Variants in ART3 observed in about 807,000 individuals in gnomAD.
ART3 encodes the protein ADP-ribosyltransferase 3 (inactive).
ART3 carries 49 observed loss-of-function variants against 48.5 expected under a neutral mutation model. The ratio of observed to expected loss-of-function variants is 1.01; its 90% CI spans 0.80 to 1.28. The LOEUF is 1.28. Ranked by LOEUF, ART3 falls within the 50% of genes most tolerant of loss-of-function variation. The pLI is 0.00. For missense variants in ART3, 438 were observed against 454.3 expected, an observed-to-expected ratio of 0.96 and a Z score of 0.33; for synonymous variants, 145 against 157.2, an observed-to-expected ratio of 0.92 and a Z score of 0.58.
At chr4:76,035,005 G>T in intron 1 of ART3, 1 of 1,525,790 alleles carries the variant, frequency 6.6e-7, no homozygotes, top group Non-Finnish European at 9.1e-7. Flanking sequence ...GATCTGTCTT[G>T]GATAAAACAG....
chr4:76,091,058 A>T lies in ART3; in HGVS notation c.782-6586A>T, dbSNP rs146065298. Among the ~76,000 whole-genome samples, 26 of 152,320 alleles carry T rather than the reference A, an allele frequency of 1.7e-4. No individual in the cohort carries two copies. In the East Asian group the frequency reaches 4.0e-3, roughly 24 times the overall value. ...TTTCACTCGGCATAATTGTTTTGAGATTCATCTGTGTTGTTGCATGTATCA... is the reference window on the plus strand; with the variant it reads ...TTTCACTCGGCATAATTGTTTTGAGTTTCATCTGTGTTGTTGCATGTATCA... On this transcript the variant is annotated intron_variant, in intron 3 of 11. Transcript: ENST00000355810.
In ART3 at chr4:76,082,131, GAGA is replaced by G. The variant is rs1722623272; in HGVS notation, c.381_383del (p.Glu127del). ...GCTGTGAAGATGGCTGGCCAATCTC[GAGA>G]AGATTATATCTATGGCTTCCAGTTC... On this transcript the variant is annotated inframe_deletion, in exon 3 of 12. Coordinates refer to ENST00000355810, the MANE Select transcript of ART3 (RefSeq NM_001130016.3). 1.2e-6 allele frequency: 2 copies of G among 1,614,152 alleles called. No individual in the cohort carries two copies. Among genetic ancestry groups the G allele is most frequent in the Non-Finnish European group, 1.7e-6 (2 of 1,180,046 alleles).
intron 1 of ART3, among the ~76,000 whole-genome samples, chr4:76,066,589 C>T (rs1719758207): frequency 6.6e-6 from 1 of 152,088 alleles, no homozygotes; most frequent in Admixed American, 6.5e-5. Flanking sequence ...CTGGTCATCC[C>T]ATCTTCTGCT....
intron 1 of ART3, among the ~76,000 whole-genome samples, chr4:76,054,427 A>C (rs1475828314): frequency 1.0e-5 from 1 of 97,292 alleles, no homozygotes; most frequent in African/African-American, 4.0e-5. Context: ...GAGAGTGCGA[A>C]TATAAAAAAA....
chr4:76,039,415 A>G (rs1483803761), intron 1 of ART3, among the ~76,000 whole-genome samples: 11 of 152,186 alleles, frequency 7.2e-5, no homozygotes. Flanking sequence ...AAATGTATTA[A>G]CTGCTATTAT....
chr4:76,056,734 G>A (rs548053872), intron 1 of ART3, among the ~76,000 whole-genome samples: 2 of 152,026 alleles, frequency 1.3e-5, no homozygotes, highest in African/African-American at 2.4e-5. Flanking sequence ...AAAAAAATAC[G>A]TACTAGATTA....
At chr4:76,059,544 C>T (rs200444901) in intron 1 of ART3, among the ~76,000 whole-genome samples, 1 of 130,524 alleles carries the variant, frequency 7.7e-6, no homozygotes, top group South Asian at 2.5e-4. Context: ...TCTTCTTTAA[C>T]TAAAAAAAAC....
chr4:76,051,008 G>A (rs544337334), intron 1 of ART3, among the ~76,000 whole-genome samples: 8 of 152,336 alleles, frequency 5.3e-5, no homozygotes, highest in South Asian at 4.1e-4. Flanking sequence ...GCAAGCCCAC[G>A]CGCAGCCCTG....
chr4:76,076,105 T>C (rs7676265), intron 2 of ART3, 147 bp downstream of exon 2: 365,095 of 647,414 alleles, frequency 0.56, 109,520 homozygotes, highest in East Asian at 0.93. Flanking sequence ...CCCAGGTTCA[T>C]GCCATTTTCC....
chr4:76,042,535 G>A (rs1735063250), intron 1 of ART3, among the ~76,000 whole-genome samples: 1 of 152,194 alleles, frequency 6.6e-6, no homozygotes, highest in Non-Finnish European at 1.5e-5. Context: ...TTAAAAGTGT[G>A]TCCAGAATTG....
At chr4:76,090,848 C>T (rs1261011945) in intron 3 of ART3, among the ~76,000 whole-genome samples, 3 of 152,168 alleles carry the variant, frequency 2.0e-5, no homozygotes. Context: ...AGACAATGAG[C>T]ATTTTACATT....
At chr4:76,096,768 G>A (rs1412743303) in intron 3 of ART3, among the ~76,000 whole-genome samples, 1 of 152,206 alleles carries the variant, frequency 6.6e-6, no homozygotes, top group Non-Finnish European at 1.5e-5. Flanking sequence ...ACTGTCAGAT[G>A]CCACGTTCTG....
chr4:76,081,683 G>C (rs769365321), intron 2 of ART3, 141 bp from the exon 3 acceptor site: 1 of 742,108 alleles, frequency 1.3e-6, no homozygotes, highest in Non-Finnish European at 2.2e-6. Context: ...TATACTTCCT[G>C]CATAAAAACC....
At chr4:76,054,807 T>A (rs77925027) in intron 1 of ART3, among the ~76,000 whole-genome samples, 7,768 of 152,342 alleles carry the variant, frequency 0.051, 243 homozygotes, top group South Asian at 0.14. Context: ...CACTCCAGGC[T>A]AGGCTACAGA....
At chr4:76,087,135 G>C (rs1255702777) in intron 3 of ART3, among the ~76,000 whole-genome samples, 1 of 152,192 alleles carries the variant, frequency 6.6e-6, no homozygotes, top group Non-Finnish European at 1.5e-5. Context: ...ACAGGGGTCT[G>C]GTTGATGGGC....
At chr4:76,019,099 A>G (rs991637667) in intron 1 of ART3, among the ~76,000 whole-genome samples, 3 of 151,932 alleles carry the variant, frequency 2.0e-5, no homozygotes, top group Non-Finnish European at 4.4e-5. Context: ...CAATGAAGTC[A>G]TGGGAATTTG....
rs1472866432 is a variant in ART3 at position 76,082,057 on chromosome 4, T to C, written c.303T>C (p.Tyr101=). 4 of 1,614,110 alleles carry C rather than the reference T, an allele frequency of 2.5e-6. No individual in the cohort carries two copies. The African/African-American group carries it at 4.0e-5, about 16-fold the overall frequency. Residue 101 remains tyrosine, a synonymous_variant, in exon 3 of 12, where the codon TAT becomes TAC. Coordinates refer to ENST00000355810, the MANE Select transcript of ART3 (RefSeq NM_001130016.3). ...KDNHGIALMA[Y]ISEAQEQTPF... is the part of the protein sequence containing the mutation. ...ACCATGGAATAGCCCTGATGGCATA[T>C]ATTTCCGAAGCTCAAGAGCAAACTC...
chr4:76,022,481 T>C (rs1276422609), intron 1 of ART3: 2 of 1,598,000 alleles, frequency 1.3e-6, no homozygotes, highest in African/African-American at 1.3e-5. Context: ...GGGATGAAAA[T>C]ATTTAAAACT....
intron 1 of ART3, among the ~76,000 whole-genome samples, chr4:76,016,000 T>C (rs537466949): frequency 6.6e-6 from 1 of 152,344 alleles, no homozygotes; most frequent in East Asian, 1.9e-4. Context: ...ATGAGAGATA[T>C]TGGCCTGTTG....
Sources: gnomAD v4.1 joint callset for allele counts (sites outside exome capture counted in the v4.1 genomes callset) on GRCh38, gnomAD v4.1.1 for gene constraint, MANE v1.5 for transcripts, NCBI Gene and HGNC (gene_info 2026-07-23, HGNC 2026-07-21) for gene names.